The following F13A1 variants were observed in gnomAD, a reference collection of about 807,000 sequenced individuals.
F13A1 encodes FSF, A subunit.
Under a neutral mutation model 80.1 loss-of-function variants are expected in F13A1, and 47 were observed. That is an observed-to-expected ratio of 0.59 (90% CI 0.46 to 0.75). The LOEUF is 0.75. Ranked by LOEUF, F13A1 falls within the 30% of genes least tolerant of loss-of-function variation. The pLI is 0.00. For missense variants in F13A1, 817 were observed against 930.4 expected (o/e 0.88, Z 1.59); for synonymous variants, 349 against 344.9 (o/e 1.01, Z -0.13).
intron 6 of F13A1, among the ~76,000 whole-genome samples, chr6:6,226,956 C>T (rs1757284512): frequency 6.7e-6 from 1 of 148,296 alleles, no homozygotes; most frequent in Admixed American, 6.7e-5. Flanking sequence ...AGGGAGATGA[C>T]AGGCAAACTG....
chr6:6,184,627 C>T (rs1412241517), intron 10 of F13A1, among the ~76,000 whole-genome samples: 1 of 152,190 alleles, frequency 6.6e-6, no homozygotes, highest in Non-Finnish European at 1.5e-5. Flanking sequence ...AACAGCGACC[C>T]CCTCTACTTT....
intron 11 of F13A1, among the ~76,000 whole-genome samples, chr6:6,181,490 T>C (rs1402581373): frequency 6.6e-6 from 1 of 152,206 alleles, no homozygotes; most frequent in Non-Finnish European, 1.5e-5. Flanking sequence ...TTCGACCTAA[T>C]TGTCCTGAGT....
At position 6,290,094 on chromosome 6, in the gene F13A1, A is replaced by G. The variant is rs1429548459; in HGVS notation, c.319+15257T>C. Among the ~76,000 whole-genome samples, 12 of 152,356 alleles carry G rather than the reference A, an allele frequency of 7.9e-5. No homozygotes were observed. In the South Asian group the frequency reaches 1.4e-3, roughly 18 times the overall value. ...TCCCAATATGGTGCTTTGCACATAC[A>G]AAGTATTAAATAAGAGTTCAATAAG... is the stretch of plus-strand genomic sequence containing the variant. On this transcript the variant is annotated intron_variant, in intron 3 of 14. Transcript: ENST00000264870.
At chr6:6,284,200 T>A (rs1420398366) in intron 3 of F13A1, among the ~76,000 whole-genome samples, 2 of 152,222 alleles carry the variant, frequency 1.3e-5, no homozygotes, top group African/African-American at 2.4e-5. Flanking sequence ...TCTTTATGAA[T>A]CATCTTTATT....
intron 8 of F13A1, among the ~76,000 whole-genome samples, chr6:6,197,967 C>A (rs1761320653): frequency 6.6e-6 from 1 of 152,180 alleles, no homozygotes; most frequent in South Asian, 2.1e-4. Context: ...TAGGTACCGA[C>A]AGGGTGGGGA....
chr6:6,175,923 T>C (rs1272942165), intron 11 of F13A1, among the ~76,000 whole-genome samples: 3 of 152,214 alleles, frequency 2.0e-5, no homozygotes, highest in African/African-American at 4.8e-5. Flanking sequence ...CAGATACAAG[T>C]CAGGCCTCAG....
chr6:6,284,831 G>T (rs565742529), intron 3 of F13A1, among the ~76,000 whole-genome samples: 1 of 152,154 alleles, frequency 6.6e-6, no homozygotes, highest in African/African-American at 2.4e-5. Context: ...AGACCTCCCT[G>T]CCCTTTTCTG....
intron 6 of F13A1, among the ~76,000 whole-genome samples, chr6:6,227,089 C>T (rs578252831): frequency 2.6e-5 from 4 of 152,104 alleles, no homozygotes; most frequent in South Asian, 2.1e-4. Context: ...TAGGCAATAC[C>T]GAACGAAATA....
chr6:6,244,543 A>C (rs1425919541), intron 6 of F13A1, among the ~76,000 whole-genome samples: 2 of 152,214 alleles, frequency 1.3e-5, no homozygotes, highest in African/African-American at 4.8e-5. Context: ...CAATAGCCCC[A>C]GGCTGTCCAG....
chr6:6,200,424 G>A (rs975794133), intron 8 of F13A1, among the ~76,000 whole-genome samples: 3 of 151,786 alleles, frequency 2.0e-5, no homozygotes, highest in African/African-American at 7.3e-5. Flanking sequence ...GAAGTTAGCT[G>A]ACCTGTAGTC....
chr6:6,153,334 T>C (rs1760413319), intron 13 of F13A1, among the ~76,000 whole-genome samples: 1 of 152,196 alleles, frequency 6.6e-6, no homozygotes, highest in Non-Finnish European at 1.5e-5. Context: ...CAGTCAAGAA[T>C]AAAATCTTCC....
chr6:6,222,996 A>G (rs1757220809), intron 7 of F13A1, among the ~76,000 whole-genome samples: 1 of 152,008 alleles, frequency 6.6e-6, no homozygotes, highest in East Asian at 1.9e-4. Context: ...TCCTTTCTTG[A>G]TTTTCAGCCC....
chr6:6,290,588 A>T (rs1195607752), intron 3 of F13A1, among the ~76,000 whole-genome samples: 1 of 152,222 alleles, frequency 6.6e-6, no homozygotes, highest in East Asian at 1.9e-4. Context: ...AAGAGACACA[A>T]AACACAGCAT....
Position 6,248,321 on chromosome 6 carries a change from C to A in F13A1, c.789G>T (p.Gly263=), listed in dbSNP as rs761211028. The change falls in exon 6 of 15, where the codon GGG becomes GGT. Residue 263 remains glycine (G), a synonymous_variant. Coordinates refer to ENST00000264870, the MANE Select transcript of F13A1 (RefSeq NM_000129.4). ...AGTAATTGCTGCTTACCATTGCAGA[C>A]CCCACACGGCTGACTTTGATGGGAT... is the stretch of plus-strand genomic sequence containing the variant. ...RGNPIKVSRV[G]SAMVNAKDDE... is the part of the protein sequence containing the mutation. 1.9e-6 allele frequency: 3 copies of A among 1,613,654 alleles called. No individual in the cohort carries two copies. Among genetic ancestry groups the A allele is most frequent in the Non-Finnish European group, 2.5e-6 (3 of 1,179,682 alleles).
chr6:6,288,009 A>G (rs12194855), intron 3 of F13A1, among the ~76,000 whole-genome samples: 12,670 of 151,864 alleles, frequency 0.083, 686 homozygotes, highest in Middle Eastern at 0.14. Context: ...GATGTTTTTT[A>G]AAAAATAGAC....
chr6:6,249,039 G>C (rs1307531281), intron 5 of F13A1, among the ~76,000 whole-genome samples: 6 of 152,182 alleles, frequency 3.9e-5, no homozygotes, highest in Admixed American at 3.9e-4. Flanking sequence ...TACCAGTTCA[G>C]TCTTCTTAGA....
Position 6,162,108 on chromosome 6 carries a change from G to A in F13A1, c.1908+5350C>T, listed in dbSNP as rs1314608123. Among the ~76,000 whole-genome samples, 1 of 152,146 alleles carries A rather than the reference G, an allele frequency of 6.6e-6. No homozygotes were observed. The highest frequency in any genetic ancestry group is 1.5e-5 in the Non-Finnish European group (1 of 68,008). The stretch of plus-strand genomic sequence containing the variant: ...CTCCGACTTGTGGGAGAGCAGAGTT[G>A]ACAATCATGTTACATTCCCACTCTA... On this transcript the variant is annotated intron_variant, in intron 13 of 14. Coordinates refer to ENST00000264870, the MANE Select transcript of F13A1 (RefSeq NM_000129.4). This position sits in a 1 kb window ranked among gnomAD's most constrained non-coding sequence, Gnocchi z 4.2.
intron 12 of F13A1, 46 bp from the exon 13 acceptor site, chr6:6,167,664 A>G (rs765199468): frequency 1.9e-6 from 3 of 1,605,352 alleles, no homozygotes; most frequent in Non-Finnish European, 1.7e-6. Flanking sequence ...GACTTGAGAC[A>G]GGGTCTGCTT....
chr6:6,207,715 G>C (rs774666445), intron 8 of F13A1, among the ~76,000 whole-genome samples: 1 of 152,146 alleles, frequency 6.6e-6, no homozygotes, highest in Non-Finnish European at 1.5e-5. Flanking sequence ...CACACACAAC[G>C]CTACTTGGCT....
Sources: gnomAD v4.1 joint callset for allele counts (sites outside exome capture counted in the v4.1 genomes callset) on GRCh38, gnomAD v4.1.1 for gene constraint, Gnocchi (gnomAD v3.1) non-coding constraint, MANE v1.5 for transcripts, NCBI Gene and HGNC (gene_info 2026-07-23, HGNC 2026-07-21) for gene names.